The following SV2C variants were observed in gnomAD, a reference collection of about 807,000 sequenced individuals.
SV2C encodes synaptic vesicle glycoprotein 2C.
SV2C carries 49 observed loss-of-function variants against 79.7 expected under a neutral mutation model. That is an observed-to-expected ratio of 0.61 (90% CI 0.49 to 0.78). SV2C has a LOEUF of 0.78. Among genes scored for constraint, SV2C ranks in the 30% least tolerant of loss-of-function variants. The pLI is 0.00. For synonymous variants in SV2C, 334 were observed against 333.2 expected (o/e 1.00, Z -0.03); for missense variants, 833 against 912.9 (o/e 0.91, Z 1.13).
chr5:75,918,719 T>A, the SV2C span, among the ~76,000 whole-genome samples: 1 of 152,322 alleles, frequency 6.6e-6, no homozygotes, highest in African/African-American at 2.4e-5. Flanking sequence ...TTTGGGAGCT[T>A]GTGGTAGATA....
chr5:76,064,548 G>A, the SV2C span, among the ~76,000 whole-genome samples: 88,413 of 152,000 alleles, frequency 0.58, 27,746 homozygotes, highest in African/African-American at 0.82. Context: ...AAAAGCATTT[G>A]TTAAAGCCTT....
chr5:75,930,838 G>A, the SV2C span, among the ~76,000 whole-genome samples: 1 of 152,180 alleles, frequency 6.6e-6, no homozygotes, highest in Non-Finnish European at 1.5e-5. Context: ...CTTTGGTGAA[G>A]AGTAATAATG....
chr5:75,936,916 A>G, the SV2C span, among the ~76,000 whole-genome samples: 1 of 152,206 alleles, frequency 6.6e-6, no homozygotes, highest in Non-Finnish European at 1.5e-5. Flanking sequence ...TGCTTTGCAC[A>G]GTAGTGGGAG....
chr5:76,069,764 G>T, the SV2C span, among the ~76,000 whole-genome samples: 1 of 151,290 alleles, frequency 6.6e-6, no homozygotes, highest in African/African-American at 2.4e-5. Context: ...CCTCTCTTTG[G>T]TTTTCTTCCA....
intron 4 of SV2C, among the ~76,000 whole-genome samples, chr5:76,216,388 C>T (rs889889583): frequency 6.6e-6 from 1 of 152,150 alleles, no homozygotes; most frequent in Non-Finnish European, 1.5e-5. Context: ...CCATCTGTGT[C>T]TCCCCCATGG....
the SV2C span, among the ~76,000 whole-genome samples, chr5:75,986,539 G>C: frequency 6.6e-6 from 1 of 151,888 alleles, no homozygotes; most frequent in Non-Finnish European, 1.5e-5. Flanking sequence ...GAACGATAAG[G>C]GAGTAAATTT....
the SV2C span, among the ~76,000 whole-genome samples, chr5:75,937,395 C>T: frequency 3.3e-5 from 5 of 152,232 alleles, no homozygotes; most frequent in African/African-American, 1.2e-4. Context: ...TCACTTTCAT[C>T]ATTTATGTCA....
chr5:76,050,643 C>G, the SV2C span, among the ~76,000 whole-genome samples: 1 of 152,136 alleles, frequency 6.6e-6, no homozygotes, highest in African/African-American at 2.4e-5. Flanking sequence ...GTACTCTCTA[C>G]CCAAAGCCTC....
chr5:76,117,251 A>C (rs2112152395), intron 1 of SV2C, among the ~76,000 whole-genome samples: 1 of 152,348 alleles, frequency 6.6e-6, no homozygotes, highest in African/African-American at 2.4e-5. Context: ...TATAAAATGA[A>C]TTTTAAAATG....
chr5:76,300,588 A>C, intron 10 of SV2C, 141 bp from the exon 11 acceptor site: 1 of 796,006 alleles, frequency 1.3e-6, no homozygotes. Context: ...CAGAAGACCC[A>C]AAAAGTCAAG....
chr5:76,177,452 A>G (rs1331018546), intron 2 of SV2C, among the ~76,000 whole-genome samples: 1 of 151,900 alleles, frequency 6.6e-6, no homozygotes, highest in Non-Finnish European at 1.5e-5. Context: ...GCATAGTAGG[A>G]TATTAATAAC....
chr5:76,080,729 G>A (rs1438378921), upstream of SV2C, among the ~76,000 whole-genome samples: 4 of 152,194 alleles, frequency 2.6e-5, no homozygotes, highest in African/African-American at 7.2e-5. Flanking sequence ...AAAGTCCTGA[G>A]GTGTAGGAGA....
intron 3 of SV2C, among the ~76,000 whole-genome samples, chr5:76,198,607 A>G (rs1744342289): frequency 6.6e-6 from 1 of 152,168 alleles, no homozygotes; most frequent in Non-Finnish European, 1.5e-5. Context: ...GGTATCCCTT[A>G]ATCCAGTCAA....
the SV2C span, among the ~76,000 whole-genome samples, chr5:75,988,898 A>T: frequency 2.0e-5 from 3 of 151,932 alleles, no homozygotes; most frequent in African/African-American, 7.2e-5. Flanking sequence ...ACCAGACGGT[A>T]CCAGATGAAT....
At chr5:75,889,110 A>G in the SV2C span, among the ~76,000 whole-genome samples, 10 of 151,946 alleles carry the variant, frequency 6.6e-5, no homozygotes, top group African/African-American at 2.2e-4. Flanking sequence ...ATTTTACTTT[A>G]AGTTCTGGGA....
At chr5:75,909,460 A>G in the SV2C span, among the ~76,000 whole-genome samples, 1 of 152,204 alleles carries the variant, frequency 6.6e-6, no homozygotes, top group Non-Finnish European at 1.5e-5. Flanking sequence ...ATTTCTGTTG[A>G]CATACTGTAG....
chr5:76,313,218 A>AAGAT (rs1748513651), intron 12 of SV2C, among the ~76,000 whole-genome samples: 1 of 152,194 alleles, frequency 6.6e-6, no homozygotes, highest in Admixed American at 6.5e-5. Context: ...GTCTAATATA[A>AAGAT]AGATAAATAT....
chr5:75,925,034 C>T, the SV2C span, among the ~76,000 whole-genome samples: 2 of 151,880 alleles, frequency 1.3e-5, no homozygotes, highest in Admixed American at 6.6e-5. Context: ...TTTTCATAGC[C>T]CTCACCTGCC....
At chr5:76,025,490 A>G in the SV2C span, among the ~76,000 whole-genome samples, 1 of 152,346 alleles carries the variant, frequency 6.6e-6, no homozygotes, top group East Asian at 1.9e-4. Context: ...ATCATATTAC[A>G]GTGGAAATCA....
Sources: allele counts gnomAD v4.1 joint callset (sites outside exome capture counted in the v4.1 genomes callset), GRCh38; gene constraint gnomAD v4.1.1; transcripts MANE v1.5; gene names NCBI Gene and HGNC (gene_info 2026-07-23, HGNC 2026-07-21).